Variants in NDUFB5 observed in about 807,000 individuals in gnomAD.
NDUFB5 encodes NADH dehydrogenase [ubiquinone] 1 beta subcomplex subunit 5, mitochondrial.
A neutral mutation model predicts 19.4 loss-of-function variants in NDUFB5; 19 were observed. That is an observed-to-expected ratio of 0.98 (90% CI 0.68 to 1.43). The LOEUF is 1.43. Ranked by LOEUF, NDUFB5 falls within the 40% of genes most tolerant of loss-of-function variation. The pLI, the probability that NDUFB5 is intolerant of heterozygous loss-of-function variation, is 0.00. For synonymous variants in NDUFB5, 80 were observed against 82.6 expected, an observed-to-expected ratio of 0.97 and a Z score of 0.17; for missense variants, 233 against 236.5, an observed-to-expected ratio of 0.99 and a Z score of 0.10.
In NDUFB5 at chr3:179,610,991, T is replaced by G. The variant is rs1244700003; in HGVS notation, c.125-3980T>G. On this transcript the variant is annotated intron_variant, in intron 1 of 5. Transcript: ENST00000259037. ...GTGGAACTGGCAGAAAAGTAAAGGT[T>G]GAGTTTTTTTTATTGGATATGTGAC... Among the ~76,000 whole-genome samples the G allele has an allele frequency of 2.0e-5, 3 of 152,234 alleles. No homozygotes were observed. The East Asian group carries it at 5.8e-4, about 29-fold the overall frequency.
intron 4 of NDUFB5, 149 bp downstream of exon 4, chr3:179,617,193 A>G: frequency 2.7e-5 from 14 of 526,456 alleles, no homozygotes; most frequent in Non-Finnish European, 4.6e-5. Flanking sequence ...GCTGGAGTGC[A>G]GTGGCGCGAT....
rs550567033 is a variant in NDUFB5, at chr3:179,624,145, A to T, written c.*105A>T. On this transcript the variant is annotated 3_prime_UTR_variant, in exon 6 of 6. Coordinates refer to ENST00000259037, the MANE Select transcript of NDUFB5 (RefSeq NM_002492.4). Reference sequence around the variant, plus strand: ...CGTGAAAAACAAAAGAGCCTCTGACATTACTGTCTCTCAGTGTTGGTTCAG... The same window carrying T: ...CGTGAAAAACAAAAGAGCCTCTGACTTTACTGTCTCTCAGTGTTGGTTCAG... 4 of 1,052,068 alleles carry T rather than the reference A, an allele frequency of 3.8e-6. No individual in the cohort carries two copies. In the African/African-American group the frequency reaches 6.6e-5, roughly 17 times the overall value. 65.2% of individuals were successfully genotyped at this position (1,052,068 alleles called of 1,614,324 possible).
At chr3:179,623,401 G>A (rs1387178728) in intron 5 of NDUFB5, among the ~76,000 whole-genome samples, 5 of 152,206 alleles carry the variant, frequency 3.3e-5, no homozygotes, top group Non-Finnish European at 7.3e-5. Flanking sequence ...GGCCGGGTGC[G>A]GTGGCTCACG....
intron 1 of NDUFB5, among the ~76,000 whole-genome samples, chr3:179,612,475 CTT>C (rs760879075): frequency 2.0e-4 from 25 of 122,800 alleles, no homozygotes; most frequent in African/African-American, 4.5e-4. Context: ...TGCATTAAAC[CTT>C]TTTTTTTTTT....
At chr3:179,617,514 T>C (rs923001139) in intron 4 of NDUFB5, 1 of 152,330 alleles carries the variant, frequency 6.6e-6, no homozygotes, top group African/African-American at 2.4e-5. Flanking sequence ...CAACGAATTT[T>C]GGTACTTCAT....
intron 1 of NDUFB5, among the ~76,000 whole-genome samples, chr3:179,612,514 C>T (rs1476315679): frequency 7.0e-6 from 1 of 142,230 alleles, no homozygotes; most frequent in Admixed American, 7.3e-5. Flanking sequence ...GTCTCACTCT[C>T]GCCCAGGTTG....
chr3:179,611,734 AT>A (rs1032386268), intron 1 of NDUFB5, among the ~76,000 whole-genome samples: 14 of 152,084 alleles, frequency 9.2e-5, no homozygotes, highest in African/African-American at 3.1e-4. Flanking sequence ...AAGTTCCCAC[AT>A]TCCCACATTA....
intron 5 of NDUFB5, among the ~76,000 whole-genome samples, chr3:179,620,228 T>G (rs1480169966): frequency 6.6e-6 from 1 of 152,188 alleles, no homozygotes. Flanking sequence ...AATTTTGGCT[T>G]TTGTTGCCAT....
rs768921844 is a variant in NDUFB5 at position 179,625,530 on chromosome 3, ATATAGT to A, written c.*1495_*1500del. ...TATTTGAATATACATATATTTCAAA[ATATAGT>A]TATATATTTCAAAATAAGATATAGC... On this transcript the variant is annotated 3_prime_UTR_variant, in exon 6 of 6. Coordinates refer to ENST00000259037, the MANE Select transcript of NDUFB5 (RefSeq NM_002492.4). The A allele has an allele frequency of 7.9e-5, 12 of 152,350 alleles. No homozygotes were observed. Among genetic ancestry groups the A allele is most frequent in the East Asian group, 7.7e-4 (4 of 5,194 alleles). 9.4% of individuals were successfully genotyped at this position (152,350 alleles called of 1,614,324 possible).
rs1375336482 is a variant in NDUFB5 at position 179,625,581 on chromosome 3, GTATAT to G, written c.*1545_*1549del. On this transcript the variant is annotated 3_prime_UTR_variant, in exon 6 of 6. Coordinates refer to ENST00000259037, the MANE Select transcript of NDUFB5 (RefSeq NM_002492.4). Reference sequence around the variant, plus strand: ...TATAGCAAGTTAGAAGTATATATAAGTATATTATTATATGTTATTGTTAACTATAA... The same window carrying G: ...TATAGCAAGTTAGAAGTATATATAAGTATTATATGTTATTGTTAACTATAA... 1.3e-5 allele frequency: 2 copies of G among 151,962 alleles called. No individual in the cohort carries two copies. The highest frequency in any genetic ancestry group is 2.1e-4 in the South Asian group (1 of 4,822). The allele number at this position is 151,962 out of a possible 1,614,324, so 9.4% of individuals were successfully genotyped here.
rs944312534 is a variant in NDUFB5 at position 179,626,824 on chromosome 3, C to T, written c.*2784C>T. The T allele has an allele frequency of 6.6e-6, 1 of 152,176 alleles. No individual in the cohort carries two copies. Among genetic ancestry groups the T allele is most frequent in the African/African-American group, 2.4e-5 (1 of 41,432 alleles). 9.4% of individuals were successfully genotyped at this position (152,176 alleles called of 1,614,324 possible). On this transcript the variant is annotated 3_prime_UTR_variant, in exon 6 of 6. Transcript: ENST00000259037. ...GGGATTACAGGTGTGAGCCACTGCG[C>T]CCAGCCTGTCCATTTTTTAATCAGG...
intron 3 of NDUFB5, among the ~76,000 whole-genome samples, chr3:179,616,436 G>A (rs1719379209): frequency 6.6e-6 from 1 of 152,078 alleles, no homozygotes; most frequent in East Asian, 1.9e-4. Flanking sequence ...CAGCTACTCG[G>A]GAGGCTGAGG....
At chr3:179,611,776 A>T (rs1429375467) in intron 1 of NDUFB5, among the ~76,000 whole-genome samples, 3 of 152,160 alleles carry the variant, frequency 2.0e-5, no homozygotes, top group African/African-American at 7.2e-5. Flanking sequence ...AATCGCAATC[A>T]TCAAAGGCTT....
At chr3:179,614,823 C>T (rs933275931) in intron 1 of NDUFB5, 148 bp from the exon 2 acceptor site, 9 of 452,914 alleles carry the variant, frequency 2.0e-5, no homozygotes, top group Admixed American at 3.7e-5. Context: ...GAGGGAGGCA[C>T]ATCTCACACC....
intron 1 of NDUFB5, among the ~76,000 whole-genome samples, chr3:179,611,930 G>A (rs577203450): frequency 1.3e-5 from 2 of 152,036 alleles, no homozygotes; most frequent in African/African-American, 4.8e-5. Flanking sequence ...GAGGTTCAGG[G>A]TTCCAGAAAT....
chr3:179,605,006 A>C, intron 1 of NDUFB5, 67 bp downstream of exon 1: 2 of 1,471,912 alleles, frequency 1.4e-6, no homozygotes, highest in Non-Finnish European at 1.8e-6. Flanking sequence ...GGACGCTTCC[A>C]GGGTGACCTT....
At chr3:179,608,749 C>T (rs1057156989) in intron 1 of NDUFB5, among the ~76,000 whole-genome samples, 2 of 152,034 alleles carry the variant, frequency 1.3e-5, no homozygotes, top group Non-Finnish European at 2.9e-5. Flanking sequence ...GGGTGATTAC[C>T]CTTATCTTAT....
At chr3:179,608,849 A>G (rs1039521224) in intron 1 of NDUFB5, among the ~76,000 whole-genome samples, 1 of 152,286 alleles carries the variant, frequency 6.6e-6, no homozygotes. Flanking sequence ...CAGACCCACA[A>G]AAACTTGTTT....
chr3:179,619,188 G>A (rs1719461235), intron 5 of NDUFB5, among the ~76,000 whole-genome samples: 1 of 131,752 alleles, frequency 7.6e-6, no homozygotes, highest in South Asian at 2.5e-4. Context: ...TTATGGTGCT[G>A]AGTGCCTGTT....
Sources: allele counts gnomAD v4.1 joint callset (sites outside exome capture counted in the v4.1 genomes callset), GRCh38; gene constraint gnomAD v4.1.1; transcripts MANE v1.5; gene names NCBI Gene and HGNC (gene_info 2026-07-23, HGNC 2026-07-21).